TENM3: variants seen among roughly 807,000 people sequenced by gnomAD.
TENM3 encodes the protein teneurin transmembrane protein 3.
Under a neutral mutation model 255.1 loss-of-function variants are expected in TENM3, and 63 were observed. The ratio of observed to expected loss-of-function variants is 0.25; its 90% CI spans 0.20 to 0.30. TENM3 has a LOEUF of 0.30. Ranked by LOEUF, TENM3 falls within the 10% of genes least tolerant of loss-of-function variation. TENM3 has a pLI of 1.00. For synonymous variants in TENM3, 1,306 were observed against 1,322.3 expected (o/e 0.99, Z 0.27); for missense variants, 2,929 against 3,461.1 (o/e 0.85, Z 3.86).
chr4:182,161,640 T>C (rs1438156886), intron 1 of TENM3, among the ~76,000 whole-genome samples: 1 of 52,262 alleles, frequency 1.9e-5, no homozygotes, highest in Non-Finnish European at 3.7e-5. Flanking sequence ...TATATATATG[T>C]ATATATATAT....
chr4:182,194,915 G>T (rs535184089), intron 1 of TENM3, among the ~76,000 whole-genome samples: 2 of 151,888 alleles, frequency 1.3e-5, no homozygotes, highest in Admixed American at 6.6e-5. Context: ...AGTTTTTGTC[G>T]TGATAGAATT....
At chr4:182,132,603 A>G in the TENM3 span, among the ~76,000 whole-genome samples, 4 of 152,192 alleles carry the variant, frequency 2.6e-5, no homozygotes, top group Non-Finnish European at 5.9e-5. Context: ...GTCAAGTTCA[A>G]TTTTTTTCAT....
At chr4:181,708,084 G>A in the TENM3 span, among the ~76,000 whole-genome samples, 9 of 152,168 alleles carry the variant, frequency 5.9e-5, no homozygotes, top group East Asian at 1.7e-3. Context: ...ATTCCAGAAA[G>A]TATATTAAAG....
chr4:182,514,556 C>T lies in TENM3; in HGVS notation c.512-86368C>T, dbSNP rs530343547. 1.1e-4 allele frequency among the ~76,000 whole-genome samples: 17 copies of T among 152,238 alleles called. No individual in the cohort carries two copies. The South Asian group carries it at 3.1e-3, about 28-fold the overall frequency. On this transcript the variant is annotated intron_variant, in intron 3 of 27. Coordinates refer to ENST00000511685, the MANE Select transcript of TENM3 (RefSeq NM_001080477.4). The stretch of plus-strand genomic sequence containing the variant: ...CACAGCAACAAGTCCATTTTACATC[C>T]GGCCCTATATGAAGATATGATTTCA...
At chr4:182,341,894 A>G (rs1764508746) in intron 2 of TENM3, among the ~76,000 whole-genome samples, 1 of 152,208 alleles carries the variant, frequency 6.6e-6, no homozygotes, top group African/African-American at 2.4e-5. Flanking sequence ...TTTGCCCTCT[A>G]AATTTCAATA....
chr4:182,262,791 C>G (rs12508573), intron 1 of TENM3, among the ~76,000 whole-genome samples: 25,825 of 148,082 alleles, frequency 0.17, 2,867 homozygotes, highest in South Asian at 0.33. Context: ...TCAGCTCACT[C>G]CAAGCTCCGC....
chr4:181,641,705 A>ATATTATAT, the TENM3 span, among the ~76,000 whole-genome samples: 1 of 123,128 alleles, frequency 8.1e-6, no homozygotes, highest in African/African-American at 3.1e-5. Context: ...TATAATATAT[A>ATATTATAT]TATTATATAT....
intron 1 of TENM3, among the ~76,000 whole-genome samples, chr4:182,216,579 G>A (rs1755484542): frequency 6.6e-6 from 1 of 152,218 alleles, no homozygotes; most frequent in South Asian, 2.1e-4. Flanking sequence ...AAAAATAAAG[G>A]TGATGTACGT....
intron 3 of TENM3, among the ~76,000 whole-genome samples, chr4:182,551,650 C>T (rs1269868583): frequency 1.3e-5 from 2 of 151,966 alleles, no homozygotes; most frequent in East Asian, 1.9e-4. Context: ...CTTAATATGA[C>T]CCCCTGTTCA....
At chr4:182,723,139 G>T (rs1292890630) in intron 13 of TENM3, among the ~76,000 whole-genome samples, 1 of 152,186 alleles carries the variant, frequency 6.6e-6, no homozygotes, top group Non-Finnish European at 1.5e-5. Context: ...TAGTTCAGGA[G>T]AATGACCAGC....
the TENM3 span, among the ~76,000 whole-genome samples, chr4:181,506,889 A>G: frequency 0.027 from 4,149 of 152,256 alleles, 91 homozygotes; most frequent in East Asian, 0.069. Flanking sequence ...ACTATTACAA[A>G]TAGTGTGTAT....
the TENM3 span, among the ~76,000 whole-genome samples, chr4:181,485,187 A>G: frequency 6.6e-6 from 1 of 152,162 alleles, no homozygotes; most frequent in Non-Finnish European, 1.5e-5. Flanking sequence ...CCTCTATCAA[A>G]ATAAACGTAA....
chr4:182,628,919 C>A, intron 5 of TENM3, 30 bp downstream of exon 5: 1 of 1,306,834 alleles, frequency 7.7e-7, no homozygotes, highest in South Asian at 1.3e-5. Context: ...ATTACTTTGT[C>A]TGTAAATCAG....
chr4:182,252,550 A>T (rs945193280), intron 1 of TENM3, among the ~76,000 whole-genome samples: 2 of 152,188 alleles, frequency 1.3e-5, no homozygotes, highest in Non-Finnish European at 2.9e-5. Context: ...GATTTTTTCC[A>T]CTCAGACTTT....
At chr4:182,074,133 A>G in the TENM3 span, among the ~76,000 whole-genome samples, 2 of 152,196 alleles carry the variant, frequency 1.3e-5, no homozygotes, top group Non-Finnish European at 2.9e-5. Flanking sequence ...AATTATGGCT[A>G]AACTGCTTTA....
rs1273959635 is a variant in TENM3 at position 182,324,125 on chromosome 4, A to G, written c.105A>G (p.Val35=). The G allele has an allele frequency of 1.2e-6, 2 of 1,613,908 alleles. No individual in the cohort carries two copies. Among genetic ancestry groups the G allele is most frequent in the African/African-American group, 2.7e-5 (2 of 74,936 alleles). The change falls in exon 2 of 28, where the codon GTA becomes GTG. Residue 35 remains valine (V), a synonymous_variant. Coordinates refer to ENST00000511685, the MANE Select transcript of TENM3 (RefSeq NM_001080477.4). ...NSSADNEECR[V]PTQKSYSSSE... ...CCGCAGACAATGAGGAGTGCCGGGT[A>G]CCCACACAGAAGTCCTACAGTTCCA...
At chr4:182,571,975 C>T (rs11730067) in intron 3 of TENM3, among the ~76,000 whole-genome samples, 15,320 of 152,222 alleles carry the variant, frequency 0.1, 935 homozygotes, top group Non-Finnish European at 0.14. Flanking sequence ...GATCCTGGCT[C>T]ACTGCAACCT....
the TENM3 span, among the ~76,000 whole-genome samples, chr4:181,661,032 T>C: frequency 0.29 from 44,063 of 152,008 alleles, 7,213 homozygotes; most frequent in Non-Finnish European, 0.37. Context: ...AGAAATCATC[T>C]AATAATTTGG....
intron 1 of TENM3, among the ~76,000 whole-genome samples, chr4:182,167,800 A>G (rs1197637802): frequency 2.0e-5 from 3 of 152,132 alleles, no homozygotes; most frequent in Non-Finnish European, 4.4e-5. Flanking sequence ...TGGGAGAATC[A>G]CTTGAGCCCA....
Sources: gnomAD v4.1 joint callset for allele counts (sites outside exome capture counted in the v4.1 genomes callset) on GRCh38, gnomAD v4.1.1 for gene constraint, MANE v1.5 for transcripts, NCBI Gene and HGNC (gene_info 2026-07-23, HGNC 2026-07-21) for gene names.